Variants in COLGALT2 observed in about 807,000 individuals in gnomAD.
COLGALT2 encodes the protein collagen beta(1-O)galactosyltransferase 2.
In COLGALT2, 49 loss-of-function variants were observed where a neutral mutation model predicts 73.4. That is an observed-to-expected ratio of 0.67 (90% CI 0.53 to 0.85). The LOEUF (loss-of-function observed/expected upper bound fraction) is 0.85. COLGALT2 is among the 40% of genes least tolerant of loss of function. The pLI is 0.00. For missense variants in COLGALT2, 722 were observed against 790.2 expected, an observed-to-expected ratio of 0.91 and a Z score of 1.03; for synonymous variants, 295 against 307.6, an observed-to-expected ratio of 0.96 and a Z score of 0.43.
chr1:183,932,806 C>G (rs1478647266), downstream of COLGALT2, among the ~76,000 whole-genome samples: 1 of 152,140 alleles, frequency 6.6e-6, no homozygotes, highest in Non-Finnish European at 1.5e-5. Context: ...CCTGAGAGAT[C>G]GGCCACCACA....
rs969385685 is a variant in COLGALT2, at chr1:184,037,449, C to T, written c.-92G>A. ...GCGGCGGCTGCCGGGGAGCAAGGGG[C>T]TGCGAGGGGCGGCCGGGGGATGCGG... On this transcript the variant is annotated 5_prime_UTR_variant, in exon 1 of 12. Coordinates refer to ENST00000361927, the MANE Select transcript of COLGALT2 (RefSeq NM_015101.4). 1.1e-5 allele frequency: 13 copies of T among 1,222,232 alleles called. No individual in the cohort carries two copies. The highest frequency in any genetic ancestry group is 1.0e-5 in the Non-Finnish European group (10 of 983,594). The allele number at this position is 1,222,232 out of a possible 1,614,324, so 75.7% of individuals were successfully genotyped here.
intron 1 of COLGALT2, among the ~76,000 whole-genome samples, chr1:184,028,857 T>C (rs925668496): frequency 6.6e-6 from 1 of 152,230 alleles, no homozygotes; most frequent in Non-Finnish European, 1.5e-5. Flanking sequence ...TGCATTATGT[T>C]TGCAGAGGAA....
rs1252109186 is a variant in COLGALT2 at position 183,938,661 on chromosome 1, A to G, written c.*100T>C. 4 of 1,507,054 alleles carry G rather than the reference A, an allele frequency of 2.7e-6. No homozygotes were observed. Among genetic ancestry groups the G allele is most frequent in the Non-Finnish European group, 3.5e-6 (4 of 1,127,602 alleles). The allele number at this position is 1,507,054 out of a possible 1,614,324, so 93.4% of individuals were successfully genotyped here. On this transcript the variant is annotated 3_prime_UTR_variant, in exon 12 of 12. Transcript: ENST00000361927. ...CTTTGGTTAGATGACTGTGACCACT[A>G]AGAACAAAACAAAACAGAAAACTGG...
Position 184,037,470 on chromosome 1 carries a change from T to A in COLGALT2, c.-113A>T. ...GGGGCTGCGAGGGGCGGCCGGGGGA[T>A]GCGGCTTGCCGCGGCCGGCCGGCTC... On this transcript the variant is annotated 5_prime_UTR_variant, in exon 1 of 12. Transcript: ENST00000361927. The A allele has an allele frequency of 8.3e-7, 1 of 1,200,956 alleles. No individual in the cohort carries two copies. The highest frequency in any genetic ancestry group is 1.0e-6 in the Non-Finnish European group (1 of 969,640). 74.4% of individuals were successfully genotyped at this position (1,200,956 alleles called of 1,614,324 possible).
At chr1:183,969,955 G>T (rs1457042076) in intron 4 of COLGALT2, among the ~76,000 whole-genome samples, 1 of 152,196 alleles carries the variant, frequency 6.6e-6, no homozygotes, top group Non-Finnish European at 1.5e-5. Flanking sequence ...CATGGGGTTA[G>T]CTGTAAAATT....
At chr1:183,972,843 G>A (rs1647839473) in intron 4 of COLGALT2, among the ~76,000 whole-genome samples, 1 of 152,144 alleles carries the variant, frequency 6.6e-6, no homozygotes, top group Admixed American at 6.5e-5. Context: ...GGGACTATAG[G>A]CGCCCAACAC....
In COLGALT2 at chr1:183,963,959, G is replaced by A. The variant is rs1254421633; in HGVS notation, c.894C>T (p.Pro298=). Residue 298 remains proline, a synonymous_variant, in exon 6 of 12, where the codon CCC becomes CCT. Coordinates refer to ENST00000361927, the MANE Select transcript of COLGALT2 (RefSeq NM_015101.4). ...HYGYLPIPLK[P]HQTLQEDIEN... ...CGATGTCTTCCTGCAGTGTCTGATG[G>A]GGCTTCAGGGGGATGGGCAGGTAGC... 1.9e-6 allele frequency: 3 copies of A among 1,613,146 alleles called. No individual in the cohort carries two copies. Among genetic ancestry groups the A allele is most frequent in the African/African-American group, 1.3e-5 (1 of 74,854 alleles).
chr1:183,940,494 G>A, intron 11 of COLGALT2, 87 bp downstream of exon 11: 4 of 1,214,818 alleles, frequency 3.3e-6, no homozygotes, highest in Non-Finnish European at 4.9e-6. Flanking sequence ...TACAACTTTA[G>A]AAAATATCAA....
rs530234311 is a variant in COLGALT2, at chr1:184,023,783, C to G, written c.263+13312G>C. Among the ~76,000 whole-genome samples, 108 of 152,224 alleles carry G rather than the reference C, an allele frequency of 7.1e-4. 1 individual carries two copies. Among genetic ancestry groups the G allele is most frequent in the Middle Eastern group, 3.4e-3 (1 of 294 alleles). ...AATATTCCACTCCTAGTGGAGTCAACAGCAATAGATTTCCTAGTTTTCAGA... is the reference window on the plus strand; with the variant it reads ...AATATTCCACTCCTAGTGGAGTCAAGAGCAATAGATTTCCTAGTTTTCAGA... On this transcript the variant is annotated intron_variant, in intron 1 of 11. Coordinates refer to ENST00000361927, the MANE Select transcript of COLGALT2 (RefSeq NM_015101.4).
downstream of COLGALT2, among the ~76,000 whole-genome samples, chr1:183,933,407 T>C (rs1264363686): frequency 6.6e-6 from 1 of 152,226 alleles, no homozygotes; most frequent in Non-Finnish European, 1.5e-5. Flanking sequence ...TCAACTCTGC[T>C]CATGGTTTCC....
intron 9 of COLGALT2, 60 bp from the exon 10 acceptor site, chr1:183,944,383 GA>G (rs1670194603): frequency 2.6e-6 from 4 of 1,552,446 alleles, no homozygotes; most frequent in Non-Finnish European, 3.5e-6. Context: ...ATTTTTATTA[GA>G]TAAATAAGTA....
intron 8 of COLGALT2, among the ~76,000 whole-genome samples, chr1:183,948,631 G>A (rs1670310321): frequency 1.3e-5 from 2 of 152,174 alleles, no homozygotes; most frequent in Admixed American, 6.5e-5. Flanking sequence ...AGCAGTGACG[G>A]ACTGAATGCT....
In COLGALT2 at chr1:183,937,735, AGAC is replaced by A. The variant is rs1394552481; in HGVS notation, c.*1023_*1025del. 2.0e-5 allele frequency: 20 copies of A among 985,310 alleles called. No individual in the cohort carries two copies. The highest frequency in any genetic ancestry group is 2.0e-5 in the Non-Finnish European group (17 of 829,950). The allele number at this position is 985,310 out of a possible 1,614,324, so 61.0% of individuals were successfully genotyped here. ...CATCTGTTTCTCTGCCTTATCCTAA[AGAC>A]AATATCTTCGCCCATTTTGTAAAAT... On this transcript the variant is annotated 3_prime_UTR_variant, in exon 12 of 12. Coordinates refer to ENST00000361927, the MANE Select transcript of COLGALT2 (RefSeq NM_015101.4).
chr1:184,036,158 T>C (rs1649667209), intron 1 of COLGALT2, among the ~76,000 whole-genome samples: 1 of 152,162 alleles, frequency 6.6e-6, no homozygotes, highest in African/African-American at 2.4e-5. Context: ...ACATCTCCCC[T>C]GGCCAGCATC....
chr1:184,035,702 T>C (rs1286223472), intron 1 of COLGALT2, among the ~76,000 whole-genome samples: 1 of 152,184 alleles, frequency 6.6e-6, no homozygotes, highest in African/African-American at 2.4e-5. Context: ...AACCATATTT[T>C]AAAATATCTC....
chr1:183,940,623 G>A lies in COLGALT2; in HGVS notation c.1562C>T (p.Pro521Leu), dbSNP rs368161881. Residue 521 changes from proline (P) to leucine (L), a missense_variant, in exon 11 of 12, where the codon CCA (proline) becomes CTA (leucine). Transcript: ENST00000361927. ...VGANPFGKML[P>L]VDEFLPVMYN... Reference sequence around the variant, plus strand: ...CATGACTGGCAGAAACTCATCCACTGGCAGCATCTTCCCAAAAGGATTGGC... The same window carrying A: ...CATGACTGGCAGAAACTCATCCACTAGCAGCATCTTCCCAAAAGGATTGGC... 1.2e-6 allele frequency: 2 copies of A among 1,614,178 alleles called. No homozygotes were observed. Among genetic ancestry groups the A allele is most frequent in the Non-Finnish European group, 1.7e-6 (2 of 1,180,034 alleles).
Position 183,991,432 on chromosome 1 carries a change from G to GA in COLGALT2, c.264-12913dup, listed in dbSNP as rs1340393262. ...GCTGGACTAGAAATGTGAACAAAGA[G>GA]AAAAAGTATAAATTTACAAACTGAA... is the stretch of plus-strand genomic sequence containing the variant. On this transcript the variant is annotated intron_variant, in intron 1 of 11. Coordinates refer to ENST00000361927, the MANE Select transcript of COLGALT2 (RefSeq NM_015101.4). 2.6e-5 allele frequency among the ~76,000 whole-genome samples: 4 copies of GA among 152,210 alleles called. No individual in the cohort carries two copies. In the East Asian group the frequency reaches 7.7e-4, roughly 29 times the overall value.
chr1:183,987,895 T>C lies in COLGALT2; in HGVS notation c.264-9375A>G, dbSNP rs549907697. Reference sequence around the variant, plus strand: ...AAGCTGGCTATCTACTTTTTAGAGATAAAAGTCTATTTATAACCTGTACAA... The same window carrying C: ...AAGCTGGCTATCTACTTTTTAGAGACAAAAGTCTATTTATAACCTGTACAA... On this transcript the variant is annotated intron_variant, in intron 1 of 11. Transcript: ENST00000361927. Among the ~76,000 whole-genome samples the C allele has an allele frequency of 1.6e-4, 25 of 152,344 alleles. 1 individual carries two copies. The highest frequency in any genetic ancestry group is 5.8e-4 in the African/African-American group (24 of 41,580).
intron 1 of COLGALT2, among the ~76,000 whole-genome samples, chr1:183,982,465 G>A (rs895526062): frequency 6.6e-6 from 1 of 152,200 alleles, no homozygotes; most frequent in Non-Finnish European, 1.5e-5. Context: ...TAGGAAGCAT[G>A]CAGAGAGCAA....
Sources: allele counts gnomAD v4.1 joint callset (sites outside exome capture counted in the v4.1 genomes callset), GRCh38; gene constraint gnomAD v4.1.1; transcripts MANE v1.5; gene names NCBI Gene and HGNC (gene_info 2026-07-23, HGNC 2026-07-21).